Variants in IMP4 observed in about 807,000 individuals in gnomAD.
IMP4 encodes U3 small nucleolar ribonucleoprotein IMP4.
In IMP4, 30 loss-of-function variants were observed where a neutral mutation model predicts 42.7. That is an observed-to-expected ratio of 0.70 (90% CI 0.53 to 0.95). IMP4 has a LOEUF of 0.95. Ranked by LOEUF, IMP4 falls within the 40% of genes least tolerant of loss-of-function variation. IMP4 has a pLI of 0.00. For synonymous variants in IMP4, 165 were observed against 165.2 expected (o/e 1.00, Z 0.01); for missense variants, 382 against 411.4 (o/e 0.93, Z 0.62).
chr2:130,346,768 C>T lies in IMP4; in HGVS notation c.*300C>T, dbSNP rs191702326. On this transcript the variant is annotated 3_prime_UTR_variant, in exon 9 of 9. Transcript: ENST00000259239. ...AGAGAGAGAGATTTGATGCTAACGT[C>T]CCCTCAAGAGTGAGGGTCATATGAG... 43 of 451,188 alleles carry T rather than the reference C, an allele frequency of 9.5e-5. No individual in the cohort carries two copies. In the East Asian group the frequency reaches 1.8e-3, roughly 19 times the overall value. 27.9% of individuals were successfully genotyped at this position (451,188 alleles called of 1,614,324 possible). A position where few individuals can be genotyped will look rare whatever the true frequency, so the allele number is the denominator to read the frequency against.
chr2:130,346,491 A>G lies in IMP4; in HGVS notation c.*23A>G, dbSNP rs1342897315. 1 of 1,508,348 alleles carries G rather than the reference A, an allele frequency of 6.6e-7. No individual in the cohort carries two copies. The highest frequency in any genetic ancestry group is 1.4e-5 in the African/African-American group (1 of 72,254). The allele number at this position is 1,508,348 out of a possible 1,614,324, so 93.4% of individuals were successfully genotyped here. A position where few individuals can be genotyped will look rare whatever the true frequency, so the allele number is the denominator to read the frequency against. On this transcript the variant is annotated 3_prime_UTR_variant, in exon 9 of 9. Coordinates refer to ENST00000259239, the MANE Select transcript of IMP4 (RefSeq NM_033416.3). ...TGAGCACACTCACCACTCAGTCAGGACATGGACTTGGAACTCAGGATGGGG... is the reference window on the plus strand; with the variant it reads ...TGAGCACACTCACCACTCAGTCAGGGCATGGACTTGGAACTCAGGATGGGG...
rs759092541 is a variant in IMP4, at chr2:130,346,096, G to A, written c.673G>A (p.Asp225Asn). 8.1e-6 allele frequency: 13 copies of A among 1,614,156 alleles called. No homozygotes were observed. The change falls in exon 7 of 9, where the codon GAC becomes AAC. Residue 225 changes from aspartate to asparagine, a missense_variant. Coordinates refer to ENST00000259239, the MANE Select transcript of IMP4 (RefSeq NM_033416.3). The stretch of plus-strand genomic sequence containing the variant: ...GGTCATCACCTTCGCAAACCAGGAC[G>A]ACTACATATCATTCCGGTGGGTCCA... Reference protein sequence around the residue: ...HRVITFANQDDYISFRHHVYK... With the variant: ...HRVITFANQDNYISFRHHVYK...
chr2:130,344,244 C>T (rs941169009), intron 2 of IMP4, among the ~76,000 whole-genome samples: 1 of 151,910 alleles, frequency 6.6e-6, no homozygotes, highest in African/African-American at 2.4e-5. Flanking sequence ...AGGAGAATGG[C>T]GTGAACCCAG....
In IMP4 at chr2:130,345,575, G is replaced by A. The variant is rs779368260; in HGVS notation, c.315G>A (p.Lys105=). 6.2e-7 allele frequency: 1 copy of A among 1,614,102 alleles called. No homozygotes were observed. The highest frequency in any genetic ancestry group is 1.3e-5 in the African/African-American group (1 of 74,938). ...SRLKMFAKEL[K]LVFPGAQRMN... The stretch of plus-strand genomic sequence containing the variant: ...CTGCCATCCACGCCCAGGAGCTGAA[G>A]CTGGTGTTCCCGGGCGCCCAGCGAA... The change falls in exon 5 of 9, where the codon AAG becomes AAA. Residue 105 remains lysine (K), a synonymous_variant. Coordinates refer to ENST00000259239, the MANE Select transcript of IMP4 (RefSeq NM_033416.3). This position sits in a 1 kb window ranked among gnomAD's most constrained non-coding sequence, Gnocchi z 4.9.
Position 130,347,143 on chromosome 2 carries a change from GTATAGC to G in IMP4, c.*679_*684del, listed in dbSNP as rs1558833671. 6.6e-6 allele frequency: 1 copy of G among 152,184 alleles called. No individual in the cohort carries two copies. Among genetic ancestry groups the G allele is most frequent in the Non-Finnish European group, 1.5e-5 (1 of 68,620 alleles). The allele number at this position is 152,184 out of a possible 1,614,324, so 9.4% of individuals were successfully genotyped here. The stretch of plus-strand genomic sequence containing the variant: ...TGGAAATGCTGCAGTAAACATGGGA[GTATAGC>G]TATCTTTTGAAGATAATGATTTCAT... On this transcript the variant is annotated 3_prime_UTR_variant, in exon 9 of 9. Coordinates refer to ENST00000259239, the MANE Select transcript of IMP4 (RefSeq NM_033416.3).
chr2:130,343,362 T>C, intron 2 of IMP4, 168 bp downstream of exon 2: 1 of 721,312 alleles, frequency 1.4e-6, no homozygotes, highest in Middle Eastern at 2.3e-4. Flanking sequence ...TAATTACTTG[T>C]CACTGACGTT....
In IMP4 at chr2:130,346,386, A is replaced by G; in HGVS notation, c.794A>G (p.Gln265Arg). The G allele has an allele frequency of 6.3e-7, 1 of 1,582,216 alleles. No homozygotes were observed. The highest frequency in any genetic ancestry group is 8.6e-7 in the Non-Finnish European group (1 of 1,164,066). Residue 265 changes from glutamine to arginine, a missense_variant, in exon 9 of 9, where the codon CAG becomes CGG. By Grantham distance (43) the Gln-to-Arg change is conservative. Transcript: ENST00000259239. The stretch of plus-strand genomic sequence containing the variant: ...ATGATCCGTCTGGGCACGCTGGAGC[A>G]GGAGGCCACAGCAGACGTGGAGTGG... ...LYMIRLGTLE[Q>R]EATADVEWRW...
chr2:130,343,207 C>T lies in IMP4; in HGVS notation c.112+13C>T, dbSNP rs1242164852. ...CGCGCGCTGGAAGGTAAGGCATCGG[C>T]CCCGCGGGCGTCTGCGTGGTAAACC... On this transcript the variant is annotated intron_variant, in intron 2 of 8. Coordinates refer to ENST00000259239, the MANE Select transcript of IMP4 (RefSeq NM_033416.3). 6.6e-7 allele frequency: 1 copy of T among 1,524,742 alleles called. No individual in the cohort carries two copies. Among genetic ancestry groups the T allele is most frequent in the Non-Finnish European group, 8.9e-7 (1 of 1,123,502 alleles). 94.5% of individuals were successfully genotyped at this position (1,524,742 alleles called of 1,614,324 possible). A position where few individuals can be genotyped will look rare whatever the true frequency, so the allele number is the denominator to read the frequency against.
chr2:130,345,014 C>A lies in IMP4; in HGVS notation c.196+302C>A. On this transcript the variant is annotated intron_variant, in intron 3 of 8. Coordinates refer to ENST00000259239, the MANE Select transcript of IMP4 (RefSeq NM_033416.3). This position sits in a 1 kb window ranked among gnomAD's most constrained non-coding sequence, Gnocchi z 4.9. ...TTGGTGCCCATACGTTTATTCACTG[C>A]ATTATTCAAGAAACAAGAAAGGAAT... 1 of 558,246 alleles carries A rather than the reference C, an allele frequency of 1.8e-6. No individual in the cohort carries two copies. Among genetic ancestry groups the A allele is most frequent in the South Asian group, 2.2e-5 (1 of 46,022 alleles). 34.6% of individuals were successfully genotyped at this position (558,246 alleles called of 1,614,324 possible). A position where few individuals can be genotyped will look rare whatever the true frequency, so the allele number is the denominator to read the frequency against.
chr2:130,343,086 C>A lies in IMP4; in HGVS notation c.4C>A (p.Leu2Met). ...GTGACTGGGCCTGCTGTTCCCACAG[C>A]TGCGCCGCGAGGCCCGCCTGCGCCG... The part of the protein sequence containing the change: M[L>M]RREARLRREY... The change falls in exon 2 of 9, where the codon CTG (leucine) becomes ATG (methionine). Residue 2 changes from leucine to methionine, a missense_variant and splice_region_variant. Coordinates refer to ENST00000259239, the MANE Select transcript of IMP4 (RefSeq NM_033416.3). The A allele has an allele frequency of 1.3e-6, 2 of 1,564,928 alleles. No individual in the cohort carries two copies. Among genetic ancestry groups the A allele is most frequent in the Non-Finnish European group, 1.7e-6 (2 of 1,153,604 alleles).
In IMP4 at chr2:130,345,341, GA is replaced by G; in HGVS notation, c.197-34del. On this transcript the variant is annotated intron_variant, in intron 3 of 8. Transcript: ENST00000259239. The surrounding 1 kb of genome is among the most constrained non-coding windows in gnomAD (Gnocchi z 4.9). Reference sequence around the variant, plus strand: ...CCCGAAGTTAGCATTTCATTCCCAAGACTGTCATGTTCTTGCCCCTCGTGCT... The same window carrying G: ...CCCGAAGTTAGCATTTCATTCCCAAGCTGTCATGTTCTTGCCCCTCGTGCT... 6.5e-7 allele frequency: 1 copy of G among 1,541,150 alleles called. No individual in the cohort carries two copies. The highest frequency in any genetic ancestry group is 9.0e-7 in the Non-Finnish European group (1 of 1,116,960).
In IMP4 at chr2:130,345,964, C is replaced by T. The variant is rs368674533; in HGVS notation, c.594+31C>T. Reference sequence around the variant, plus strand: ...TCTGGGGGCCTTCAGGCTGGGGCTGCGGGCCAGGCCAGGCATTTGCCACTC... The same window carrying T: ...TCTGGGGGCCTTCAGGCTGGGGCTGTGGGCCAGGCCAGGCATTTGCCACTC... On this transcript the variant is annotated intron_variant, in intron 6 of 8. Transcript: ENST00000259239. The surrounding 1 kb of genome is among the most constrained non-coding windows in gnomAD (Gnocchi z 4.9). The T allele has an allele frequency of 7.4e-5, 120 of 1,614,030 alleles. No homozygotes were observed. The highest frequency in any genetic ancestry group is 9.9e-5 in the South Asian group (9 of 91,076).
intron 2 of IMP4, 107 bp downstream of exon 2, chr2:130,343,301 C>T (rs1358988158): frequency 7.5e-6 from 6 of 799,506 alleles, no homozygotes; most frequent in Non-Finnish European, 1.3e-5. Context: ...TTTTCCTTGC[C>T]CATTGGGTTC....
intron 2 of IMP4, 64 bp from the exon 3 acceptor site, chr2:130,344,565 G>GT: frequency 9.9e-7 from 1 of 1,010,404 alleles, no homozygotes; most frequent in South Asian, 1.3e-5. Flanking sequence ...AAGCTGTGGT[G>GT]TATTGGATGA....
Position 130,343,090 on chromosome 2 carries a change from G to A in IMP4, c.8G>A (p.Arg3His), listed in dbSNP as rs1441759402. 1 of 1,558,262 alleles carries A rather than the reference G, an allele frequency of 6.4e-7. No homozygotes were observed. The highest frequency in any genetic ancestry group is 1.2e-5 in the South Asian group (1 of 86,738). The change falls in exon 2 of 9, where the codon CGC becomes CAC. Residue 3 changes from arginine to histidine, a missense_variant. Arg to His is a conservative substitution (Grantham distance 29, BLOSUM62 0). Coordinates refer to ENST00000259239, the MANE Select transcript of IMP4 (RefSeq NM_033416.3). ML[R>H]REARLRREYL... is the part of the protein sequence containing the mutation. ...CTGGGCCTGCTGTTCCCACAGCTGC[G>A]CCGCGAGGCCCGCCTGCGCCGCGAG...
intron 2 of IMP4, among the ~76,000 whole-genome samples, chr2:130,343,738 CAA>C (rs1228648066): frequency 9.7e-4 from 79 of 81,114 alleles, no homozygotes; most frequent in Admixed American, 2.9e-3. Context: ...GACTCCGTCT[CAA>C]AAAAAAAAAA....
At chr2:130,343,482 A>C in intron 2 of IMP4, 1 of 563,742 alleles carries the variant, frequency 1.8e-6, no homozygotes, top group South Asian at 1.7e-5. Context: ...GCGGTGGCTC[A>C]CTGCTGTAAT....
rs745410531 is a variant in IMP4, at chr2:130,342,937, T to G, written c.3+2T>G. On this transcript the variant is annotated splice_donor_variant, in intron 1 of 8. Transcript: ENST00000259239. LOFTEE classifies it high-confidence loss of function. ...CACGTGGAAGCGGCACTCAAGATGG[T>G]AGGAGAATGAGCTCCTGTTTCGGAG... 1 of 1,614,132 alleles carries G rather than the reference T, an allele frequency of 6.2e-7. No homozygotes were observed. The highest frequency in any genetic ancestry group is 2.2e-5 in the East Asian group (1 of 44,878).
In IMP4 at chr2:130,344,680, G is replaced by C; in HGVS notation, c.164G>C (p.Gly55Ala). Residue 55 changes from glycine to alanine, a missense_variant, in exon 3 of 9, where the codon GGG (glycine) becomes GCG (alanine). Transcript: ENST00000259239. ...CGCCGAGAGGCTCTGGCCTTACAGG[G>C]GTCCCTGGAGTTTGATGATGCTGGA... ...ELRREALALQ[G>A]SLEFDDAGGE... 2 of 1,614,040 alleles carry C rather than the reference G, an allele frequency of 1.2e-6. No individual in the cohort carries two copies. Among genetic ancestry groups the C allele is most frequent in the Non-Finnish European group, 1.7e-6 (2 of 1,179,864 alleles).
Sources: allele counts gnomAD v4.1 joint callset (sites outside exome capture counted in the v4.1 genomes callset), GRCh38; gene constraint gnomAD v4.1.1; non-coding constraint Gnocchi (gnomAD v3.1); transcripts MANE v1.5; gene names NCBI Gene and HGNC (gene_info 2026-07-23, HGNC 2026-07-21).